Variants in ERCC6L2 observed in about 807,000 individuals in gnomAD.
ERCC6L2 encodes ERCC excision repair 6 like 2, also known as DNA excision repair protein ERCC-6-like 2.
In ERCC6L2, 77 loss-of-function variants were observed where a neutral mutation model predicts 132.0. The observed-to-expected ratio is 0.58, with a 90% CI of 0.49 to 0.71. ERCC6L2 has a LOEUF of 0.71. Ranked by LOEUF, ERCC6L2 falls within the 30% of genes least tolerant of loss-of-function variation. The pLI is 0.00. For missense variants in ERCC6L2, 1,542 were observed against 1,837.6 expected, an observed-to-expected ratio of 0.84 and a Z score of 2.94; for synonymous variants, 583 against 632.4, an observed-to-expected ratio of 0.92 and a Z score of 1.17.
In ERCC6L2 at chr9:96,014,746, C is replaced by T. The variant is rs114802478; in HGVS notation, c.*1543C>T. ...TATATGAGTTCGTCATTTGTTTGCT[C>T]TGTGCAGCTGAGTTGTGTCCAGACT... On this transcript the variant is annotated 3_prime_UTR_variant, in exon 19 of 19. Coordinates refer to ENST00000653738, the MANE Select transcript of ERCC6L2 (RefSeq NM_020207.7). Among the ~76,000 whole-genome samples, 2,736 of 152,204 alleles carry T rather than the reference C, an allele frequency of 0.018. 89 individuals carry two copies. Among genetic ancestry groups the T allele is most frequent in the African/African-American group, 0.062 (2,561 of 41,518 alleles).
At chr9:95,931,138 T>C (rs1830320704) in intron 11 of ERCC6L2, among the ~76,000 whole-genome samples, 2 of 152,222 alleles carry the variant, frequency 1.3e-5, no homozygotes, top group South Asian at 4.1e-4. Context: ...TCATATGACT[T>C]CTCTTTCCTA....
At chr9:96,002,492 G>T (rs944161209) in intron 17 of ERCC6L2, among the ~76,000 whole-genome samples, 4 of 151,330 alleles carry the variant, frequency 2.6e-5, no homozygotes, top group Non-Finnish European at 5.9e-5. Flanking sequence ...CACGATCTTG[G>T]CTCATTGCAA....
chr9:95,941,611 A>G (rs1830805397), intron 12 of ERCC6L2, 62 bp downstream of exon 12: 1 of 1,245,462 alleles, frequency 8.0e-7, no homozygotes, highest in Non-Finnish European at 1.2e-6. Flanking sequence ...ATACTCTTGA[A>G]CTTTTAAGGT....
intron 13 of ERCC6L2, among the ~76,000 whole-genome samples, chr9:95,962,929 C>T (rs1430938712): frequency 6.6e-6 from 1 of 152,118 alleles, no homozygotes; most frequent in African/African-American, 2.4e-5. Flanking sequence ...TAGAAGGATG[C>T]ACCTAAACGT....
intron 18 of ERCC6L2, among the ~76,000 whole-genome samples, chr9:96,010,758 C>G (rs116446513): frequency 0.018 from 2,727 of 152,268 alleles, 87 homozygotes; most frequent in African/African-American, 0.061. Context: ...GTTTATCACT[C>G]TATTCTACTT....
chr9:95,974,420 T>C (rs1245980742), intron 16 of ERCC6L2, among the ~76,000 whole-genome samples: 1 of 152,176 alleles, frequency 6.6e-6, no homozygotes, highest in Non-Finnish European at 1.5e-5. Context: ...ATTAATAATA[T>C]TATTAAGGCT....
downstream of ERCC6L2, chr9:96,019,726 C>A (rs690601): frequency 0.42 from 63,991 of 152,010 alleles, 13,577 homozygotes; most frequent in Admixed American, 0.47. Context: ...CCGAGAAATA[C>A]CTGGGTTAAT....
chr9:96,002,778 T>C (rs1833734182), intron 17 of ERCC6L2, among the ~76,000 whole-genome samples: 1 of 152,184 alleles, frequency 6.6e-6, no homozygotes, highest in Admixed American at 6.5e-5. Context: ...CTTTCTCTGG[T>C]AGTTTTTAAG....
At chr9:95,895,589 A>G (rs1283320608) in intron 2 of ERCC6L2, among the ~76,000 whole-genome samples, 3 of 152,126 alleles carry the variant, frequency 2.0e-5, no homozygotes, top group African/African-American at 7.2e-5. Flanking sequence ...TGATTACCCT[A>G]GAGATTACAA....
intron 12 of ERCC6L2, among the ~76,000 whole-genome samples, chr9:95,947,626 C>T (rs978926511): frequency 2.6e-5 from 4 of 152,138 alleles, no homozygotes; most frequent in African/African-American, 9.7e-5. Flanking sequence ...GGACTGTAGT[C>T]AATAAAGAGG....
chr9:95,972,504 G>C lies in ERCC6L2; in HGVS notation c.2753G>C (p.Ser918Thr), dbSNP rs555749742. The change falls in exon 16 of 19, where the codon AGT becomes ACT. Residue 918 changes from serine to threonine, a missense_variant. By Grantham distance (58) the Ser-to-Thr change is moderately conservative. Coordinates refer to ENST00000653738, the MANE Select transcript of ERCC6L2 (RefSeq NM_020207.7). The stretch of plus-strand genomic sequence containing the variant: ...ACAACTGAGAGATTCCCCGACAATA[G>C]TATAAGGTTTAAGCCACCCTTGGAA... ...QYTTERFPDN[S>T]IRFKPPLEGS... is the part of the protein sequence containing the mutation. 1 of 1,289,918 alleles carries C rather than the reference G, an allele frequency of 7.8e-7. No individual in the cohort carries two copies. Among genetic ancestry groups the C allele is most frequent in the Non-Finnish European group, 1.0e-6 (1 of 988,876 alleles). The allele number at this position is 1,289,918 out of a possible 1,614,324, so 79.9% of individuals were successfully genotyped here.
intron 12 of ERCC6L2, among the ~76,000 whole-genome samples, chr9:95,947,619 C>T (rs376997132): frequency 6.6e-6 from 1 of 152,182 alleles, no homozygotes; most frequent in African/African-American, 2.4e-5. Context: ...TCATTGAGGA[C>T]TGTAGTCAAT....
chr9:95,906,811 CT>C, intron 3 of ERCC6L2: 2 of 508,348 alleles, frequency 3.9e-6, no homozygotes, highest in South Asian at 1.7e-5. Context: ...TTCTCAGTGC[CT>C]TTTTGGTAGG....
chr9:96,002,994 C>G (rs528565653), intron 17 of ERCC6L2, among the ~76,000 whole-genome samples: 1 of 152,044 alleles, frequency 6.6e-6, no homozygotes, highest in African/African-American at 2.4e-5. Context: ...TTTTTAATCT[C>G]TGCACTTAAT....
intron 12 of ERCC6L2, among the ~76,000 whole-genome samples, chr9:95,955,508 C>G (rs901566767): frequency 1.3e-5 from 2 of 150,534 alleles, no homozygotes; most frequent in African/African-American, 5.0e-5. Flanking sequence ...TTCCCCATCC[C>G]CTTATCCCCA....
chr9:95,891,999 TA>T (rs1828195534), intron 2 of ERCC6L2, among the ~76,000 whole-genome samples: 1 of 152,212 alleles, frequency 6.6e-6, no homozygotes, highest in South Asian at 2.1e-4. Context: ...GTTGTCTTTT[TA>T]TTTGCTTGTT....
At chr9:96,000,091 G>C (rs1476887361) in intron 17 of ERCC6L2, among the ~76,000 whole-genome samples, 1 of 152,054 alleles carries the variant, frequency 6.6e-6, no homozygotes, top group Non-Finnish European at 1.5e-5. Context: ...GTTTCACCAT[G>C]TTGGCCAGGA....
chr9:95,916,029 A>G (rs1399092188), intron 5 of ERCC6L2, among the ~76,000 whole-genome samples, 198 bp from the exon 6 acceptor site: 1 of 152,210 alleles, frequency 6.6e-6, no homozygotes, highest in Non-Finnish European at 1.5e-5. Flanking sequence ...CCTGAAGTAA[A>G]TATACATGTT....
At chr9:96,006,916 A>G (rs1833882040) in intron 18 of ERCC6L2, among the ~76,000 whole-genome samples, 1 of 152,178 alleles carries the variant, frequency 6.6e-6, no homozygotes, top group South Asian at 2.1e-4. Flanking sequence ...CCATTTGAGA[A>G]TAATTTCAGG....
Sources: gnomAD v4.1 joint callset for allele counts (sites outside exome capture counted in the v4.1 genomes callset) on GRCh38, gnomAD v4.1.1 for gene constraint, MANE v1.5 for transcripts, NCBI Gene and HGNC (gene_info 2026-07-23, HGNC 2026-07-21) for gene names.